Variants in RBFOX1 observed in about 807,000 individuals in gnomAD.
RBFOX1 encodes RNA binding protein fox-1 homolog 1.
RBFOX1 carries 8 observed loss-of-function variants against 57.7 expected under a neutral mutation model. That is an observed-to-expected ratio of 0.14 (90% CI 0.08 to 0.25). The LOEUF (loss-of-function observed/expected upper bound fraction) is 0.25, where lower values mean the gene tolerates loss of function less well. Ranked by LOEUF, RBFOX1 falls within the 10% of genes least tolerant of loss-of-function variation. The probability of loss-of-function intolerance (pLI) is 1.00; values close to 1 mark genes in which losing one functional copy is unlikely to be tolerated. For synonymous variants in RBFOX1, 326 were observed against 222.4 expected, an observed-to-expected ratio of 1.47 and a Z score of -4.15; for missense variants, 611 against 548.5, an observed-to-expected ratio of 1.11 and a Z score of -1.14.
intron 2 of RBFOX1, among the ~76,000 whole-genome samples, chr16:5,559,562 A>C (rs766932997): frequency 4.6e-5 from 7 of 152,182 alleles, no homozygotes; most frequent in Non-Finnish European, 7.3e-5. Context: ...AGATTGATCC[A>C]CACCTCCTTC....
intron 3 of RBFOX1, among the ~76,000 whole-genome samples, chr16:6,660,093 C>T (rs985536867): frequency 3.3e-5 from 5 of 151,826 alleles, no homozygotes; most frequent in Admixed American, 3.3e-4. Context: ...GGTGTGGTGG[C>T]ACACGCCTGT....
chr16:6,178,177 CTTTTTTTTTTT>C (rs34382826), intron 1 of RBFOX1, among the ~76,000 whole-genome samples: 1 of 69,616 alleles, frequency 1.4e-5, no homozygotes, highest in Non-Finnish European at 2.7e-5. Context: ...AAAGGTCACT[CTTTTTTTTTTT>C]TTTTTTTTTT....
intron 3 of RBFOX1, among the ~76,000 whole-genome samples, chr16:5,684,687 C>G (rs1011421940): frequency 6.6e-6 from 1 of 152,172 alleles, no homozygotes; most frequent in African/African-American, 2.4e-5. Context: ...TCTCCCTCAG[C>G]AGGGAGCCGT....
intron 2 of RBFOX1, among the ~76,000 whole-genome samples, chr16:5,584,270 C>T (rs758401759): frequency 8.5e-5 from 13 of 152,276 alleles, no homozygotes; most frequent in Admixed American, 1.3e-4. Context: ...TGTAATAATC[C>T]GTGTCTCTTT....
intron 1 of RBFOX1, among the ~76,000 whole-genome samples, chr16:5,292,738 C>T (rs1458799885): frequency 6.6e-6 from 1 of 152,086 alleles, no homozygotes; most frequent in Non-Finnish European, 1.5e-5. Flanking sequence ...ATTCTCCTGC[C>T]TCAGCCTCCT....
At chr16:6,801,502 A>G (rs2085441195) in intron 3 of RBFOX1, among the ~76,000 whole-genome samples, 1 of 152,190 alleles carries the variant, frequency 6.6e-6, no homozygotes, top group African/African-American at 2.4e-5. Flanking sequence ...TGACTCAATA[A>G]AATTCTGCTT....
chr16:6,019,599 G>C lies in RBFOX1; in HGVS notation c.-520G>C. On this transcript the variant is annotated 5_prime_UTR_variant, in exon 1 of 16. Transcript: ENST00000550418. This position sits in a 1 kb window ranked among gnomAD's most constrained non-coding sequence, Gnocchi z 4.2. ...GCGCGCGCCTCCGGGGCTGAAGAAG[G>C]AAGGAGTGAGCCGAGCCGAGCACCC... 8.2e-7 allele frequency: 1 copy of C among 1,214,926 alleles called. No homozygotes were observed. Among genetic ancestry groups the C allele is most frequent in the Non-Finnish European group, 1.0e-6 (1 of 976,308 alleles). 75.3% of individuals were successfully genotyped at this position (1,214,926 alleles called of 1,614,324 possible).
intron 2 of RBFOX1, among the ~76,000 whole-genome samples, chr16:6,601,900 T>C (rs1180402768): frequency 6.6e-6 from 1 of 152,192 alleles, no homozygotes; most frequent in Admixed American, 6.5e-5. Flanking sequence ...AGTTTGTGCA[T>C]TTTAAAGGAC....
intron 3 of RBFOX1, among the ~76,000 whole-genome samples, chr16:5,860,523 G>A (rs749157493): frequency 1.4e-4 from 21 of 152,174 alleles, no homozygotes; most frequent in Non-Finnish European, 2.8e-4. Flanking sequence ...TGTCAAGGTG[G>A]CTGTGTAGAG....
chr16:7,540,130 C>T (rs1038552525), intron 5 of RBFOX1, among the ~76,000 whole-genome samples: 5 of 152,158 alleles, frequency 3.3e-5, no homozygotes, highest in African/African-American at 1.2e-4. Flanking sequence ...TTCTAACCCC[C>T]GTCTCCTCCT....
chr16:5,737,437 G>A lies in RBFOX1; in HGVS notation c.319-129866G>A, dbSNP rs143707495. On this transcript the variant is annotated intron_variant, in intron 3 of 19. Coordinates refer to the RBFOX1 transcript ENST00000641259. ...GGAGGTGGAGGTTGCAGTGAGTCGA[G>A]ATCATGCTGCTACACTGCAGCGTGG... Among the ~76,000 whole-genome samples the A allele has an allele frequency of 4.1e-3, 618 of 151,978 alleles. 7 individuals carry two copies. The highest frequency in any genetic ancestry group is 0.014 in the African/African-American group (592 of 41,442).
intron 3 of RBFOX1, among the ~76,000 whole-genome samples, chr16:6,690,476 G>GAA (rs994081152): frequency 6.6e-6 from 1 of 151,700 alleles, no homozygotes; most frequent in African/African-American, 2.4e-5. Flanking sequence ...TAACATTAAA[G>GAA]AAAAAAATAA....
At chr16:5,827,604 A>C (rs1157984918) in intron 3 of RBFOX1, among the ~76,000 whole-genome samples, 1 of 151,870 alleles carries the variant, frequency 6.6e-6, no homozygotes. Context: ...TAACTACTCA[A>C]CTCTACTGCA....
At chr16:5,891,551 C>G (rs1018792063) in intron 4 of RBFOX1, among the ~76,000 whole-genome samples, 1 of 152,192 alleles carries the variant, frequency 6.6e-6, no homozygotes, top group Non-Finnish European at 1.5e-5. Flanking sequence ...TCCCCGAGAG[C>G]CCGCTTAATT....
intron 1 of RBFOX1, among the ~76,000 whole-genome samples, chr16:6,240,160 G>A (rs1280236004): frequency 6.6e-6 from 1 of 152,166 alleles, no homozygotes; most frequent in Non-Finnish European, 1.5e-5. Context: ...GTTCCTTGAG[G>A]CCTTCCCAGA....
At chr16:6,787,455 A>G (rs1002207126) in intron 3 of RBFOX1, among the ~76,000 whole-genome samples, 1 of 152,188 alleles carries the variant, frequency 6.6e-6, no homozygotes, top group East Asian at 1.9e-4. Flanking sequence ...CTGGTTATAC[A>G]GTTAGAGTGT....
intron 4 of RBFOX1, among the ~76,000 whole-genome samples, chr16:7,275,950 C>T (rs2095431896): frequency 6.6e-6 from 1 of 152,176 alleles, no homozygotes; most frequent in Admixed American, 6.5e-5. Context: ...ACACCACCAC[C>T]ACCACCACGA....
chr16:5,589,667 C>A (rs1596359539), intron 2 of RBFOX1, among the ~76,000 whole-genome samples: 3 of 152,178 alleles, frequency 2.0e-5, no homozygotes, highest in Non-Finnish European at 4.4e-5. Flanking sequence ...TGGCAAAGTC[C>A]ATAATGGACT....
At chr16:5,319,971 T>C (rs79349004) in intron 1 of RBFOX1, among the ~76,000 whole-genome samples, 8,296 of 152,250 alleles carry the variant, frequency 0.054, 784 homozygotes, top group African/African-American at 0.19. Flanking sequence ...TCCAACATTT[T>C]GGTGGCCCGG....
Sources: allele counts gnomAD v4.1 joint callset (sites outside exome capture counted in the v4.1 genomes callset), GRCh38; gene constraint gnomAD v4.1.1; non-coding constraint Gnocchi (gnomAD v3.1); transcripts MANE v1.5; gene names NCBI Gene and HGNC (gene_info 2026-07-23, HGNC 2026-07-21).